The following PPP4R1 variants were observed in gnomAD, a reference collection of about 807,000 sequenced individuals.
PPP4R1 encodes protein phosphatase 4 regulatory subunit 1, also known as serine/threonine-protein phosphatase 4 regulatory subunit 1.
Under a neutral mutation model 111.2 loss-of-function variants are expected in PPP4R1, and 42 were observed. The ratio of observed to expected loss-of-function variants is 0.38; its 90% CI spans 0.29 to 0.49. The LOEUF (loss-of-function observed/expected upper bound fraction) is 0.49. Ranked by LOEUF, PPP4R1 falls within the 20% of genes least tolerant of loss-of-function variation. PPP4R1 has a pLI of 0.97. For missense variants in PPP4R1, 1,012 were observed against 1,161.6 expected (o/e 0.87, Z 1.87); for synonymous variants, 409 against 405.5 (o/e 1.01, Z -0.10).
intron 2 of PPP4R1, among the ~76,000 whole-genome samples, chr18:9,609,647 G>A (rs1427280384): frequency 6.6e-6 from 1 of 152,184 alleles, no homozygotes; most frequent in East Asian, 1.9e-4. Context: ...AGTTACAGCT[G>A]AGATAAAAGT....
intron 2 of PPP4R1, among the ~76,000 whole-genome samples, chr18:9,597,883 C>CA (rs2067315452): frequency 6.6e-6 from 1 of 151,666 alleles, no homozygotes; most frequent in Admixed American, 6.6e-5. Flanking sequence ...AGACCCAGGA[C>CA]AAAAAATATA....
At position 9,595,027 on chromosome 18, in the gene PPP4R1, A is replaced by G; in HGVS notation, c.179T>C (p.Ile60Thr). 6.2e-7 allele frequency: 1 copy of G among 1,613,830 alleles called. No individual in the cohort carries two copies. Among genetic ancestry groups the G allele is most frequent in the Admixed American group, 1.7e-5 (1 of 59,988 alleles). Residue 60 changes from isoleucine to threonine, a missense_variant, in exon 3 of 20, where the codon ATA (isoleucine) becomes ACA (threonine). Physicochemically the swap from Ile to Thr is moderately conservative, Grantham distance 89. Around this residue, in one of 2 missense-constraint regions of PPP4R1, gnomAD observed 707 missense variants for 742.1 expected, o/e 0.95. Coordinates refer to ENST00000400556, the MANE Select transcript of PPP4R1 (RefSeq NM_001042388.3). ...RLDKYAASEN[I>T]FNRQMVARSL... ...AAGAATATGCACATACCTGTTAAAT[A>G]TGTTCTCACTTGCAGCATACTTGTC...
chr18:9,604,020 G>T (rs923287564), intron 2 of PPP4R1, among the ~76,000 whole-genome samples: 6 of 151,638 alleles, frequency 4.0e-5, no homozygotes, highest in African/African-American at 1.2e-4. Context: ...ATGAATAGTG[G>T]GTATCCAAGT....
In PPP4R1 at chr18:9,549,985, G is replaced by A. The variant is rs544476841; in HGVS notation, c.2547+67C>T. On this transcript the variant is annotated intron_variant, in intron 18 of 19. Coordinates refer to ENST00000400556, the MANE Select transcript of PPP4R1 (RefSeq NM_001042388.3). ...TAAGGAAGAGGGTGAGAGAGAGGTA[G>A]GAAGTTAAAGAAGACATTCTTCTAG... The A allele has an allele frequency of 4.7e-4, 751 of 1,599,654 alleles. 9 individuals carry two copies. In the South Asian group the frequency reaches 8.0e-3, roughly 17 times the overall value.
At chr18:9,594,077 A>C in intron 3 of PPP4R1, 2 of 461,974 alleles carry the variant, frequency 4.3e-6, no homozygotes, top group Non-Finnish European at 7.9e-6. Context: ...ACAGGCATGC[A>C]CCACCACACC....
chr18:9,550,631 T>C (rs28365814), intron 16 of PPP4R1: 48,320 of 499,840 alleles, frequency 0.097, 2,502 homozygotes, highest in African/African-American at 0.11. Context: ...ACAAAAGCTG[T>C]AGAGTTCTGC....
chr18:9,575,579 T>A (rs2066923277), intron 10 of PPP4R1, among the ~76,000 whole-genome samples: 1 of 152,198 alleles, frequency 6.6e-6, no homozygotes, highest in South Asian at 2.1e-4. Context: ...GCCTGGACAT[T>A]AAGACATACC....
intron 4 of PPP4R1, 95 bp downstream of exon 4, chr18:9,593,673 C>T: frequency 9.4e-7 from 1 of 1,059,272 alleles, no homozygotes; most frequent in Non-Finnish European, 1.4e-6. Flanking sequence ...AAAGCTATCT[C>T]ATATCACATT....
At chr18:9,598,753 A>AATTAAT (rs2067331377) in intron 2 of PPP4R1, among the ~76,000 whole-genome samples, 2 of 152,194 alleles carry the variant, frequency 1.3e-5, no homozygotes, top group Non-Finnish European at 2.9e-5. Flanking sequence ...GGCCAGGCAC[A>AATTAAT]GTGGCTCACG....
At chr18:9,577,384 G>GC (rs1281989059) in intron 9 of PPP4R1, among the ~76,000 whole-genome samples, 193 bp from the exon 10 acceptor site, 1 of 152,318 alleles carries the variant, frequency 6.6e-6, no homozygotes, top group South Asian at 2.1e-4. Context: ...ATTTTCTCTG[G>GC]CTGGGCGCAG....
chr18:9,605,963 C>T (rs905855199), intron 2 of PPP4R1, among the ~76,000 whole-genome samples: 1 of 152,084 alleles, frequency 6.6e-6, no homozygotes, highest in Non-Finnish European at 1.5e-5. Context: ...AGAGAAGTAA[C>T]GAGCAAACTG....
At chr18:9,582,801 T>C (rs938549041) in intron 9 of PPP4R1, among the ~76,000 whole-genome samples, 24 of 152,136 alleles carry the variant, frequency 1.6e-4, no homozygotes, top group African/African-American at 5.5e-4. Context: ...TCCAGCGACA[T>C]ATAAAAAGAA....
At chr18:9,616,446 T>TA (rs1263174469), upstream of PPP4R1, among the ~76,000 whole-genome samples, 3 of 152,142 alleles carry the variant, frequency 2.0e-5, no homozygotes, top group Non-Finnish European at 4.4e-5. Flanking sequence ...AATTTATTTT[T>TA]AAAATTTTTT....
rs751995069 is a variant in PPP4R1, at chr18:9,584,567, T to C, written c.707A>G (p.Asn236Ser). The C allele has an allele frequency of 7.4e-6, 12 of 1,613,130 alleles. No individual in the cohort carries two copies. Among genetic ancestry groups the C allele is most frequent in the South Asian group, 2.2e-5 (2 of 90,822 alleles). The stretch of plus-strand genomic sequence containing the variant: ...AACTACACTGCAAATATCTCCAAAA[T>C]TGGCAGCACAGACCTGACAACAAAA... ...MFHVRKVCAA[N>S]FGDICSVVGQ... Residue 236 changes from asparagine (N) to serine (S), a missense_variant, in exon 8 of 20, where the codon AAT becomes AGT. Asn to Ser is a conservative substitution (Grantham distance 46, BLOSUM62 1). This residue lies in a region of PPP4R1 where 707 missense variants were observed against 742.1 expected (regional missense o/e 0.95). Coordinates refer to ENST00000400556, the MANE Select transcript of PPP4R1 (RefSeq NM_001042388.3).
chr18:9,556,130 C>G (rs891212129), intron 15 of PPP4R1, among the ~76,000 whole-genome samples: 1 of 148,930 alleles, frequency 6.7e-6, no homozygotes, highest in Non-Finnish European at 1.5e-5. Context: ...CACTGCACTC[C>G]AGCCTTGTGA....
chr18:9,611,890 A>C (rs1234363032), intron 2 of PPP4R1, among the ~76,000 whole-genome samples: 1 of 152,108 alleles, frequency 6.6e-6, no homozygotes, highest in African/African-American at 2.4e-5. Context: ...ACACGCCTGT[A>C]ATCCCAGTTA....
intron 9 of PPP4R1, 85 bp downstream of exon 9, chr18:9,583,032 G>C: frequency 8.4e-7 from 1 of 1,188,420 alleles, no homozygotes; most frequent in Non-Finnish European, 1.1e-6. Flanking sequence ...TAAATTATAA[G>C]TTATTTCTTA....
At chr18:9,555,612 C>T (rs1397823256) in intron 15 of PPP4R1, among the ~76,000 whole-genome samples, 1 of 152,136 alleles carries the variant, frequency 6.6e-6, no homozygotes, top group Non-Finnish European at 1.5e-5. Context: ...AAATACATGA[C>T]AACCTACACA....
At chr18:9,570,754 A>G in intron 10 of PPP4R1, 71 bp from the exon 11 acceptor site, 2 of 1,432,696 alleles carry the variant, frequency 1.4e-6, no homozygotes, top group South Asian at 1.4e-5. Context: ...CTGATGAAAG[A>G]TATTACATAT....
Sources: allele counts gnomAD v4.1 joint callset (sites outside exome capture counted in the v4.1 genomes callset), GRCh38; gene constraint gnomAD v4.1.1; regional missense constraint gnomAD v4.1.1; transcripts MANE v1.5; gene names NCBI Gene and HGNC (gene_info 2026-07-23, HGNC 2026-07-21).